Variants in KIF6 observed in about 807,000 individuals in gnomAD.
KIF6 encodes the protein kinesin family member 6, also known as kinesin-like protein KIF6.
A neutral mutation model predicts 112.7 loss-of-function variants in KIF6; 106 were observed. The observed-to-expected ratio is 0.94, with a 90% CI of 0.80 to 1.11. The LOEUF is 1.11. Among genes scored for constraint, KIF6 ranks in the 50% least tolerant of loss-of-function variants. The probability of loss-of-function intolerance (pLI) is 0.00; values close to 1 mark genes in which losing one functional copy is unlikely to be tolerated. For synonymous variants in KIF6, 339 were observed against 339.9 expected (o/e 1.00, Z 0.03); for missense variants, 929 against 964.0 (o/e 0.96, Z 0.48).
chr6:39,608,813 TA>T (rs1283573358), intron 6 of KIF6, among the ~76,000 whole-genome samples: 1 of 152,182 alleles, frequency 6.6e-6, no homozygotes, highest in Non-Finnish European at 1.5e-5. Flanking sequence ...TTGGAGGTCT[TA>T]TTGCCTGAAA....
intron 13 of KIF6, among the ~76,000 whole-genome samples, chr6:39,450,741 G>A (rs1468005093): frequency 6.6e-6 from 1 of 152,172 alleles, no homozygotes; most frequent in Non-Finnish European, 1.5e-5. Flanking sequence ...GGAGGTTGAG[G>A]CTTCAGTCAG....
At chr6:39,670,584 G>A (rs1328496573) in intron 3 of KIF6, among the ~76,000 whole-genome samples, 6 of 152,120 alleles carry the variant, frequency 3.9e-5, no homozygotes, top group Non-Finnish European at 8.8e-5. Context: ...TAGAAGAGGT[G>A]GCATTGGTTT....
At position 39,362,518 on chromosome 6, in the gene KIF6, C is replaced by G; in HGVS notation, c.1862G>C (p.Gly621Ala). Reference sequence around the variant, plus strand: ...AGGCACGGCCATGTTTTCCGAGATTCCTGTAGAAGGAAGGTGCCAATGGGA... The same window carrying G: ...AGGCACGGCCATGTTTTCCGAGATTGCTGTAGAAGGAAGGTGCCAATGGGA... ...TQRHIQQVAL[G>A]ISENMAVPLM... is the part of the protein sequence containing the mutation. The change falls in exon 17 of 23, where the codon GGA becomes GCA. Residue 621 changes from glycine (G) to alanine (A), a missense_variant and splice_region_variant. Coordinates refer to ENST00000287152, the MANE Select transcript of KIF6 (RefSeq NM_145027.6). The G allele has an allele frequency of 1.2e-6, 2 of 1,611,414 alleles. No homozygotes were observed. Among genetic ancestry groups the G allele is most frequent in the African/African-American group, 2.7e-5 (2 of 74,988 alleles).
rs747105972 is a variant in KIF6 at position 39,725,278 on chromosome 6, C to A, written c.33G>T (p.Arg11Ser). MVKQTIQIFA[R>S]VKPPVRKHQQ... Reference sequence around the variant, plus strand: ...GGTGCTTCCGGACAGGGGGCTTCACCCTCGCGAATATCTGGATAGTCTGCT... The same window carrying A: ...GGTGCTTCCGGACAGGGGGCTTCACACTCGCGAATATCTGGATAGTCTGCT... The change falls in exon 1 of 23, where the codon AGG (arginine) becomes AGT (serine). Residue 11 changes from arginine (R) to serine (S), a missense_variant. Physicochemically the swap from Arg to Ser is moderately radical, Grantham distance 110. Coordinates refer to ENST00000287152, the MANE Select transcript of KIF6 (RefSeq NM_145027.6). 3 of 1,611,096 alleles carry A rather than the reference C, an allele frequency of 1.9e-6. No individual in the cohort carries two copies. In the South Asian group the frequency reaches 3.3e-5, roughly 18 times the overall value.
chr6:39,720,175 CCTT>C (rs1561960369), intron 2 of KIF6, among the ~76,000 whole-genome samples: 2 of 152,096 alleles, frequency 1.3e-5, no homozygotes, highest in Non-Finnish European at 2.9e-5. Context: ...CTTCAAAAAT[CCTT>C]CATATGTTTT....
At chr6:39,570,000 T>A (rs1780555983) in intron 10 of KIF6, among the ~76,000 whole-genome samples, 1 of 152,232 alleles carries the variant, frequency 6.6e-6, no homozygotes, top group Non-Finnish European at 1.5e-5. Flanking sequence ...AGACTCTTCC[T>A]TTAGGCATAT....
chr6:39,649,888 C>A (rs1785382962), intron 3 of KIF6, among the ~76,000 whole-genome samples: 1 of 152,212 alleles, frequency 6.6e-6, no homozygotes, highest in Non-Finnish European at 1.5e-5. Flanking sequence ...TCATTGTTCA[C>A]ATTTCGTGTG....
At chr6:39,656,923 A>C (rs1187320451) in intron 3 of KIF6, among the ~76,000 whole-genome samples, 1 of 151,958 alleles carries the variant, frequency 6.6e-6, no homozygotes, top group Non-Finnish European at 1.5e-5. Flanking sequence ...TTTCTTGTCT[A>C]TTTGACTCAT....
At chr6:39,704,883 T>C (rs1007677842) in intron 3 of KIF6, among the ~76,000 whole-genome samples, 6 of 152,248 alleles carry the variant, frequency 3.9e-5, no homozygotes, top group Non-Finnish European at 7.3e-5. Flanking sequence ...ATGTTAACTA[T>C]AGTGCTTTAA....
chr6:39,356,555 G>A (rs1343104890), intron 19 of KIF6, among the ~76,000 whole-genome samples: 5 of 152,104 alleles, frequency 3.3e-5, no homozygotes, highest in African/African-American at 1.2e-4. Flanking sequence ...ATGAGCCACC[G>A]TGCCCGGCCC....
At chr6:39,518,439 T>C (rs1777193790) in intron 13 of KIF6, among the ~76,000 whole-genome samples, 1 of 152,238 alleles carries the variant, frequency 6.6e-6, no homozygotes, top group African/African-American at 2.4e-5. Context: ...ACAGCTCTTT[T>C]TCATGTCATA....
At chr6:39,702,973 A>G (rs1788954295) in intron 3 of KIF6, among the ~76,000 whole-genome samples, 1 of 152,038 alleles carries the variant, frequency 6.6e-6, no homozygotes, top group Non-Finnish European at 1.5e-5. Context: ...GCACAGGAGA[A>G]AAAACTCAGG....
At position 39,333,913 on chromosome 6, in the gene KIF6, G is replaced by A. The variant is rs1408129240; in HGVS notation, c.*2619C>T. 3 of 152,218 alleles carry A rather than the reference G, an allele frequency of 2.0e-5. No homozygotes were observed. Among genetic ancestry groups the A allele is most frequent in the Admixed American group, 6.5e-5 (1 of 15,282 alleles). 9.4% of individuals were successfully genotyped at this position (152,218 alleles called of 1,614,324 possible). On this transcript the variant is annotated 3_prime_UTR_variant, in exon 23 of 23. Coordinates refer to ENST00000287152, the MANE Select transcript of KIF6 (RefSeq NM_145027.6). ...TGAACTCAGATACTTCTTGTCATCC[G>A]TGGCTCCACTGATCCCAGGTGGATT... is the stretch of plus-strand genomic sequence containing the variant.
In KIF6 at chr6:39,343,115, G is replaced by A; in HGVS notation, c.2428+594C>T. The A allele has an allele frequency of 1.0e-6, 1 of 985,418 alleles. No homozygotes were observed. The highest frequency in any genetic ancestry group is 1.2e-6 in the Non-Finnish European group (1 of 829,914). The allele number at this position is 985,418 out of a possible 1,614,324, so 61.0% of individuals were successfully genotyped here. A position where few individuals can be genotyped will look rare whatever the true frequency, so the allele number is the denominator to read the frequency against. ...GAGAAAAGGCCCAGCCACAGCAGATGGGAGATGGGCAGCTGCCAAGAGGAC... is the reference window on the plus strand; with the variant it reads ...GAGAAAAGGCCCAGCCACAGCAGATAGGAGATGGGCAGCTGCCAAGAGGAC... On this transcript the variant is annotated intron_variant, in intron 22 of 22. Transcript: ENST00000287152. This position sits in a 1 kb window ranked among gnomAD's most constrained non-coding sequence, Gnocchi z 4.1.
At chr6:39,482,506 G>A (rs1470846002) in intron 13 of KIF6, among the ~76,000 whole-genome samples, 1 of 152,140 alleles carries the variant, frequency 6.6e-6, no homozygotes, top group East Asian at 1.9e-4. Flanking sequence ...GAAGTGTCTG[G>A]GTAGTGACAA....
intron 6 of KIF6, among the ~76,000 whole-genome samples, chr6:39,597,013 A>G (rs1383243108): frequency 6.6e-6 from 1 of 152,178 alleles, no homozygotes; most frequent in African/African-American, 2.4e-5. Flanking sequence ...TTTCTAAAGG[A>G]TATGTAATTT....
intron 13 of KIF6, among the ~76,000 whole-genome samples, chr6:39,483,222 T>A (rs1353763012): frequency 6.6e-6 from 1 of 152,190 alleles, no homozygotes; most frequent in Non-Finnish European, 1.5e-5. Context: ...AGACAAAATA[T>A]AGGCAGTCTG....
chr6:39,427,472 T>C (rs911319209), intron 14 of KIF6, among the ~76,000 whole-genome samples: 3 of 152,196 alleles, frequency 2.0e-5, no homozygotes, highest in Non-Finnish European at 4.4e-5. Flanking sequence ...TCTCCATCAA[T>C]GCAAATAAGA....
chr6:39,653,992 T>C (rs1238685344), intron 3 of KIF6, among the ~76,000 whole-genome samples: 1 of 152,208 alleles, frequency 6.6e-6, no homozygotes, highest in Non-Finnish European at 1.5e-5. Context: ...TTCATTGGTA[T>C]GGCCCATTAT....
Sources: allele counts gnomAD v4.1 joint callset (sites outside exome capture counted in the v4.1 genomes callset), GRCh38; gene constraint gnomAD v4.1.1; non-coding constraint Gnocchi (gnomAD v3.1); transcripts MANE v1.5; gene names NCBI Gene and HGNC (gene_info 2026-07-23, HGNC 2026-07-21).